JAK1: variants seen among roughly 807,000 people sequenced by gnomAD.
JAK1 encodes Janus kinase 1.
A neutral mutation model predicts 136.6 loss-of-function variants in JAK1; 16 were observed. The observed-to-expected ratio is 0.12, with a 90% CI of 0.08 to 0.18. The LOEUF (loss-of-function observed/expected upper bound fraction) is 0.18. JAK1 is among the 10% of genes least tolerant of loss of function. The probability of loss-of-function intolerance (pLI) is 1.00; values close to 1 mark genes in which losing one functional copy is unlikely to be tolerated. For synonymous variants in JAK1, 492 were observed against 519.5 expected, an observed-to-expected ratio of 0.95 and a Z score of 0.72; for missense variants, 859 against 1,450.1, an observed-to-expected ratio of 0.59 and a Z score of 6.62.
In JAK1 at chr1:64,873,992, T is replaced by C. The variant is rs572439473; in HGVS notation, c.330-469A>G. Among the ~76,000 whole-genome samples the C allele has an allele frequency of 4.6e-5, 7 of 152,228 alleles. No homozygotes were observed. The South Asian group carries it at 1.4e-3, about 31-fold the overall frequency. On this transcript the variant is annotated intron_variant, in intron 4 of 24. Coordinates refer to ENST00000342505, the MANE Select transcript of JAK1 (RefSeq NM_002227.4). ...GTGGCAGTGTTTCCTACTTCCCAGA[T>C]TGCTGCTATTCAACTGATGGTGTAT...
chr1:64,921,320 A>C (rs1222518459), intron 1 of JAK1, among the ~76,000 whole-genome samples: 1 of 152,146 alleles, frequency 6.6e-6, no homozygotes, highest in Non-Finnish European at 1.5e-5. Flanking sequence ...ATAGGACCCC[A>C]AGTTAGTTGT....
chr1:64,839,010 A>T (rs375029606), intron 20 of JAK1, among the ~76,000 whole-genome samples: 1 of 150,292 alleles, frequency 6.7e-6, no homozygotes, highest in Non-Finnish European at 1.5e-5. Flanking sequence ...GCCGGGCGTG[A>T]TGGCGGGCGC....
At chr1:65,051,010 A>G (rs562386387) in intron 1 of JAK1, among the ~76,000 whole-genome samples, 2 of 152,292 alleles carry the variant, frequency 1.3e-5, no homozygotes, top group Admixed American at 1.3e-4. Flanking sequence ...TCTCAAGCAA[A>G]TACAATTAAG....
At chr1:64,837,885 T>C (rs778599185) in intron 22 of JAK1, 47 bp downstream of exon 22, 1 of 1,533,980 alleles carries the variant, frequency 6.5e-7, no homozygotes, top group East Asian at 2.3e-5. Flanking sequence ...TAAAACAGTG[T>C]AAACTCTATG....
Position 64,866,818 on chromosome 1 carries a change from A to G in JAK1, c.990+48T>C, listed in dbSNP as rs138217152. On this transcript the variant is annotated intron_variant, in intron 7 of 24. Coordinates refer to ENST00000342505, the MANE Select transcript of JAK1 (RefSeq NM_002227.4). ...TCCAGAAGGATAAACAGCATACGCT[A>G]TGTGACACGGGAATGTTCTCTTTGA... 622 of 1,386,406 alleles carry G rather than the reference A, an allele frequency of 4.5e-4. 4 individuals are homozygous for G. In the East Asian group the frequency reaches 9.0e-3, roughly 20 times the overall value. The allele number at this position is 1,386,406 out of a possible 1,614,324, so 85.9% of individuals were successfully genotyped here. A position where few individuals can be genotyped will look rare whatever the true frequency, so the allele number is the denominator to read the frequency against.
chr1:65,064,497 T>C lies in JAK1; in HGVS notation c.-181+3107A>G, dbSNP rs76362076. On this transcript the variant is annotated intron_variant, in intron 1 of 25. Coordinates refer to the JAK1 transcript ENST00000671954. ...TGTCAACACTTCAGTGATTATCGTT[T>C]ATTAGGTAGCCCTTCCAAAAGACTG... Among the ~76,000 whole-genome samples the C allele has an allele frequency of 5.0e-3, 768 of 152,334 alleles. 4 individuals are homozygous for C. The highest frequency in any genetic ancestry group is 6.4e-3 in the Non-Finnish European group (437 of 68,028).
chr1:64,851,204 A>G (rs968869010), intron 11 of JAK1, among the ~76,000 whole-genome samples: 45 of 152,334 alleles, frequency 3.0e-4, no homozygotes, highest in African/African-American at 1.1e-3. Context: ...TGTTCTGGTA[A>G]GAAAGGTCAG....
chr1:64,872,402 A>T (rs548073337), intron 5 of JAK1, among the ~76,000 whole-genome samples: 1 of 152,306 alleles, frequency 6.6e-6, no homozygotes, highest in African/African-American at 2.4e-5. Flanking sequence ...TTACCTCCTT[A>T]GAGAGACCTT....
chr1:65,015,629 A>G (rs1463131189), intron 2 of JAK1, among the ~76,000 whole-genome samples: 1 of 152,350 alleles, frequency 6.6e-6, no homozygotes, highest in Admixed American at 6.5e-5. Context: ...ACTTCAGTTA[A>G]AAGACAAAGC....
chr1:64,968,836 G>T (rs988033164), upstream of JAK1, among the ~76,000 whole-genome samples: 7 of 151,604 alleles, frequency 4.6e-5, no homozygotes, highest in Admixed American at 2.6e-4. Flanking sequence ...GGAGACTGAG[G>T]CACAAGAATC....
Position 64,873,383 on chromosome 1 carries a change from T to A in JAK1, c.470A>T (p.Tyr157Phe). ...TPLLDASSLE[Y>F]LFAQGQYDLV... ...CAAACTTCCTACCTGAGCAAACAGA[T>A]ACTCCAGTGAGCTGGCATCAAGGAG... Residue 157 changes from tyrosine to phenylalanine, a missense_variant, in exon 5 of 25, where the codon TAT becomes TTT. This residue lies in a region of JAK1 where 353 missense variants were observed against 494.0 expected (regional missense o/e 0.71). Coordinates refer to ENST00000342505, the MANE Select transcript of JAK1 (RefSeq NM_002227.4). 6.2e-7 allele frequency: 1 copy of A among 1,614,168 alleles called. No homozygotes were observed.
intron 1 of JAK1, among the ~76,000 whole-genome samples, chr1:64,939,848 C>G (rs779126152): frequency 6.6e-6 from 1 of 152,110 alleles, no homozygotes; most frequent in African/African-American, 2.4e-5. Flanking sequence ...CTGTGTATCC[C>G]CCAACTGGGT....
chr1:64,934,524 C>A (rs1162564897), intron 1 of JAK1, among the ~76,000 whole-genome samples: 1 of 152,162 alleles, frequency 6.6e-6, no homozygotes, highest in Non-Finnish European at 1.5e-5. Flanking sequence ...GCTTGGCAGC[C>A]ATTACGAAAT....
chr1:64,962,708 A>C (rs1004056147), intron 1 of JAK1, among the ~76,000 whole-genome samples: 1 of 152,154 alleles, frequency 6.6e-6, no homozygotes, highest in African/African-American at 2.4e-5. Context: ...CACGGGGGAG[A>C]GTAAGAAGCA....
intron 10 of JAK1, among the ~76,000 whole-genome samples, chr1:64,857,366 A>C (rs1478009760): frequency 5.9e-5 from 9 of 152,094 alleles, no homozygotes; most frequent in African/African-American, 2.2e-4. Flanking sequence ...TTGGGTGTGA[A>C]TTGGTTTTCT....
At chr1:64,999,772 G>T (rs1003472201) in intron 2 of JAK1, among the ~76,000 whole-genome samples, 1 of 151,040 alleles carries the variant, frequency 6.6e-6, no homozygotes, top group African/African-American at 2.4e-5. Flanking sequence ...GGTTCTTCAG[G>T]ATCCTCCCCA....
intron 2 of JAK1, among the ~76,000 whole-genome samples, chr1:65,035,171 T>C (rs1370631037): frequency 1.3e-5 from 2 of 152,200 alleles, no homozygotes; most frequent in Non-Finnish European, 2.9e-5. Flanking sequence ...AAGAGGTCAT[T>C]AACCCACCCT....
At chr1:64,933,061 T>C (rs1318339721) in intron 1 of JAK1, among the ~76,000 whole-genome samples, 5 of 151,960 alleles carry the variant, frequency 3.3e-5, no homozygotes, top group Non-Finnish European at 5.9e-5. Context: ...ATAATAAATA[T>C]AATTAAACAC....
intron 1 of JAK1, among the ~76,000 whole-genome samples, chr1:64,909,750 G>A (rs1223708008): frequency 6.6e-6 from 1 of 152,098 alleles, no homozygotes; most frequent in Non-Finnish European, 1.5e-5. Flanking sequence ...CCTGAGCCTG[G>A]GAGGTCGAGG....
Sources: gnomAD v4.1 joint callset for allele counts (sites outside exome capture counted in the v4.1 genomes callset) on GRCh38, gnomAD v4.1.1 for gene constraint, gnomAD v4.1.1 regional missense constraint, MANE v1.5 for transcripts, NCBI Gene and HGNC (gene_info 2026-07-23, HGNC 2026-07-21) for gene names.